CLVS1: variants seen among roughly 807,000 people sequenced by gnomAD.
The protein encoded by CLVS1 is clavesin 1, also known as clavesin-1.
In CLVS1, 10 loss-of-function variants were observed where a neutral mutation model predicts 33.1. That is an observed-to-expected ratio of 0.30 (90% CI 0.19 to 0.51). The LOEUF is 0.51. CLVS1 is among the 20% of genes least tolerant of loss of function. The pLI, the probability that CLVS1 is intolerant of heterozygous loss-of-function variation, is 0.97. For missense variants in CLVS1, 343 were observed against 433.4 expected (o/e 0.79, Z 1.85); for synonymous variants, 163 against 166.1 (o/e 0.98, Z 0.14).
chr8:61,273,531 T>G (rs867466215), intron 2 of CLVS1, among the ~76,000 whole-genome samples: 12 of 152,362 alleles, frequency 7.9e-5, no homozygotes, highest in African/African-American at 2.6e-4. Flanking sequence ...AGTTGGAGCT[T>G]CCCAGCTGCT....
intron 1 of CLVS1, among the ~76,000 whole-genome samples, chr8:61,086,375 A>G (rs1054349380): frequency 2.6e-5 from 4 of 152,228 alleles, no homozygotes; most frequent in African/African-American, 9.6e-5. Flanking sequence ...GCAAATAAAA[A>G]TACAGGACAC....
intron 2 of CLVS1, among the ~76,000 whole-genome samples, chr8:61,179,892 G>T (rs1415411130): frequency 6.6e-6 from 1 of 152,206 alleles, no homozygotes; most frequent in Non-Finnish European, 1.5e-5. Flanking sequence ...AAGCTAGAAA[G>T]ATCTCAAATC....
the CLVS1 span, among the ~76,000 whole-genome samples, chr8:60,976,569 T>C: frequency 1.1e-4 from 17 of 152,234 alleles, no homozygotes; most frequent in African/African-American, 4.1e-4. Context: ...GGTAATGTCA[T>C]GGGAAGACGG....
intron 1 of CLVS1, among the ~76,000 whole-genome samples, chr8:61,121,106 G>A (rs1314077061): frequency 1.6e-4 from 25 of 151,870 alleles, no homozygotes; most frequent in African/African-American, 4.8e-5. Flanking sequence ...TGGGAAAAGC[G>A]CAGTATTCGG....
chr8:61,143,393 T>G (rs767970709), intron 2 of CLVS1, among the ~76,000 whole-genome samples: 1 of 152,172 alleles, frequency 6.6e-6, no homozygotes, highest in Non-Finnish European at 1.5e-5. Context: ...TGATTTTACC[T>G]GTCCTCAAAC....
chr8:61,376,554 C>T (rs1291646797), intron 2 of CLVS1, 51 bp from the exon 3 acceptor site: 1 of 1,566,128 alleles, frequency 6.4e-7, no homozygotes, highest in Non-Finnish European at 8.7e-7. Flanking sequence ...ACGCAACATG[C>T]TATCACCTGC....
chr8:61,281,698 G>T (rs60005766), intron 2 of CLVS1, among the ~76,000 whole-genome samples: 6 of 152,112 alleles, frequency 3.9e-5, no homozygotes, highest in South Asian at 2.1e-4. Context: ...TATTTCTGCC[G>T]CATTTGCATT....
At chr8:61,432,046 C>G (rs1816133897) in intron 3 of CLVS1, among the ~76,000 whole-genome samples, 1 of 152,170 alleles carries the variant, frequency 6.6e-6, no homozygotes, top group African/African-American at 2.4e-5. Context: ...TTGGCCAATG[C>G]ATATCTTTCA....
intron 5 of CLVS1, among the ~76,000 whole-genome samples, chr8:61,459,396 G>A (rs1044827170): frequency 6.6e-6 from 1 of 151,996 alleles, no homozygotes; most frequent in Non-Finnish European, 1.5e-5. Flanking sequence ...GTGGTATTCA[G>A]TTACATGGGT....
At chr8:61,395,516 C>T (rs1439956511) in intron 3 of CLVS1, among the ~76,000 whole-genome samples, 1 of 152,152 alleles carries the variant, frequency 6.6e-6, no homozygotes, top group Admixed American at 6.5e-5. Context: ...TGTTAATTAG[C>T]TTGATTGAAT....
chr8:61,106,596 G>A (rs1262888759), intron 1 of CLVS1, among the ~76,000 whole-genome samples: 1 of 152,206 alleles, frequency 6.6e-6, no homozygotes, highest in Admixed American at 6.5e-5. Context: ...GCACCTCCGC[G>A]CAGGCGGTGG....
intron 2 of CLVS1, among the ~76,000 whole-genome samples, chr8:61,335,307 G>A (rs1232230855): frequency 2.0e-5 from 3 of 152,200 alleles, no homozygotes; most frequent in South Asian, 2.1e-4. Flanking sequence ...TTTGGGAAAG[G>A]ACTTTTACCT....
chr8:61,155,531 T>G (rs1806631627), intron 2 of CLVS1, among the ~76,000 whole-genome samples: 2 of 150,912 alleles, frequency 1.3e-5, no homozygotes, highest in South Asian at 4.2e-4. Context: ...AAACCTTAAC[T>G]TATTTCATGC....
At chr8:61,263,210 C>T (rs17773034) in intron 2 of CLVS1, among the ~76,000 whole-genome samples, 1,561 of 152,204 alleles carry the variant, frequency 0.01, 9 homozygotes, top group Admixed American at 0.015. Context: ...GCTAAAACTC[C>T]CTGCCATTTC....
chr8:61,305,230 AAT>A (rs373479247), intron 2 of CLVS1, among the ~76,000 whole-genome samples: 7 of 150,740 alleles, frequency 4.6e-5, no homozygotes, highest in East Asian at 1.9e-4. Flanking sequence ...ATTGAGGTAA[AAT>A]ATATATATAT....
Position 61,454,367 on chromosome 8 carries a change from C to T in CLVS1, c.741+116C>T, listed in dbSNP as rs141323708. On this transcript the variant is annotated intron_variant, in intron 4 of 5. Coordinates refer to ENST00000325897, the MANE Select transcript of CLVS1 (RefSeq NM_173519.3). ...TCTCTCTTTCTCTCTTTATCTTTCA[C>T]TGTGGTTTTTCTACAGCCCCTAAGC... 159 of 816,622 alleles carry T rather than the reference C, an allele frequency of 1.9e-4. 1 individual carries two copies. The African/African-American group carries it at 2.6e-3, about 13-fold the overall frequency. 50.6% of individuals were successfully genotyped at this position (816,622 alleles called of 1,614,324 possible).
intron 1 of CLVS1, among the ~76,000 whole-genome samples, chr8:61,106,053 A>G (rs1314815514): frequency 6.6e-6 from 1 of 152,188 alleles, no homozygotes; most frequent in Non-Finnish European, 1.5e-5. Flanking sequence ...CTATCATGCT[A>G]TAGTTATTTG....
chr8:61,281,331 G>C (rs1809666852), intron 2 of CLVS1, among the ~76,000 whole-genome samples: 1 of 152,150 alleles, frequency 6.6e-6, no homozygotes, highest in Non-Finnish European at 1.5e-5. Context: ...TCAATGTGAT[G>C]ATACTTGGAA....
At chr8:61,126,018 T>C (rs1348716428) in intron 1 of CLVS1, among the ~76,000 whole-genome samples, 2 of 151,938 alleles carry the variant, frequency 1.3e-5, no homozygotes, top group Non-Finnish European at 2.9e-5. Flanking sequence ...GAATGACAAA[T>C]GCATGATAAA....
Sources: allele counts gnomAD v4.1 joint callset (sites outside exome capture counted in the v4.1 genomes callset), GRCh38; gene constraint gnomAD v4.1.1; transcripts MANE v1.5; gene names NCBI Gene and HGNC (gene_info 2026-07-23, HGNC 2026-07-21).